FAM193B: variants seen among roughly 807,000 people sequenced by gnomAD.
The protein encoded by FAM193B is family with sequence similarity 193 member B, also known as protein FAM193B.
In FAM193B, 27 loss-of-function variants were observed where a neutral mutation model predicts 70.7. The ratio of observed to expected loss-of-function variants is 0.38; its 90% CI spans 0.28 to 0.53. The LOEUF (loss-of-function observed/expected upper bound fraction) is 0.53, where lower values mean the gene tolerates loss of function less well. FAM193B is among the 20% of genes least tolerant of loss of function. The pLI is 0.81. For synonymous variants in FAM193B, 448 were observed against 436.0 expected (o/e 1.03, Z -0.34); for missense variants, 1,022 against 1,072.5 (o/e 0.95, Z 0.66).
intron 5 of FAM193B, among the ~76,000 whole-genome samples, chr5:177,529,089 C>T (rs768978795): frequency 2.0e-5 from 3 of 151,928 alleles, no homozygotes; most frequent in Admixed American, 6.5e-5. Context: ...AAGAAGAGAA[C>T]GGGGCAGGAG....
At chr5:177,550,648 CTTA>C (rs553256050) in intron 1 of FAM193B, among the ~76,000 whole-genome samples, 108 of 152,234 alleles carry the variant, frequency 7.1e-4, no homozygotes, top group Middle Eastern at 3.4e-3. Context: ...CTCCTGGGGG[CTTA>C]TTGAGTGTAC....
chr5:177,531,368 G>A (rs1182835284), intron 5 of FAM193B: 1 of 1,361,492 alleles, frequency 7.3e-7, no homozygotes, highest in South Asian at 1.2e-5. Flanking sequence ...AATTCCAGCA[G>A]CTCATCCACA....
At chr5:177,548,204 A>G (rs1471798300) in intron 1 of FAM193B, among the ~76,000 whole-genome samples, 1 of 152,160 alleles carries the variant, frequency 6.6e-6, no homozygotes, top group African/African-American at 2.4e-5. Context: ...TTTGTTTAAA[A>G]ACGTATCTCT....
At position 177,532,604 on chromosome 5, in the gene FAM193B, C is replaced by T; in HGVS notation, c.1114G>A (p.Gly372Ser). ...GCKGHKFAHS[G>S]LACQLPQPCE... is the part of the protein sequence containing the mutation. ...GGCTGGGGCAGCTGGCAAGCCAGGC[C>T]ACTGTGTGCAAACTTGTGCCCCTTG... is the stretch of plus-strand genomic sequence containing the variant. The change falls in exon 5 of 9, where the codon GGC (glycine) becomes AGC (serine). Residue 372 changes from glycine to serine, a missense_variant. Coordinates refer to ENST00000514747, the MANE Select transcript of FAM193B (RefSeq NM_001190946.3). This position sits in a 1 kb window ranked among gnomAD's most constrained non-coding sequence, Gnocchi z 4.9. 6.3e-7 allele frequency: 1 copy of T among 1,589,150 alleles called. No individual in the cohort carries two copies. The highest frequency in any genetic ancestry group is 8.5e-7 in the Non-Finnish European group (1 of 1,172,158).
intron 1 of FAM193B, among the ~76,000 whole-genome samples, chr5:177,544,105 C>T: frequency 6.6e-6 from 1 of 152,226 alleles, no homozygotes; most frequent in East Asian, 1.9e-4. Context: ...CTCAAAAAAG[C>T]TCCAAGATAA....
At position 177,532,635 on chromosome 5, in the gene FAM193B, G is replaced by A. The variant is rs756237358; in HGVS notation, c.1083C>T (p.Pro361=). The A allele has an allele frequency of 1.9e-5, 30 of 1,539,908 alleles. No individual in the cohort carries two copies. Among genetic ancestry groups the A allele is most frequent in the Middle Eastern group, 1.9e-4 (1 of 5,330 alleles). The change falls in exon 5 of 9, where the codon CCC becomes CCT. Residue 361 remains proline, a synonymous_variant. Transcript: ENST00000514747. The surrounding 1 kb of genome is among the most constrained non-coding windows in gnomAD (Gnocchi z 4.9). ...GTGCAAACTTGTGCCCCTTGCACCCGGGATCCCTGATGATGGGGAGGAAGG... is the reference window on the plus strand; with the variant it reads ...GTGCAAACTTGTGCCCCTTGCACCCAGGATCCCTGATGATGGGGAGGAAGG... ...SQPLPSTHRD[P]GCKGHKFAHS... is the part of the protein sequence containing the mutation.
At chr5:177,522,822 C>T (rs1027526163) in intron 7 of FAM193B, 1 of 152,682 alleles carries the variant, frequency 6.5e-6, no homozygotes, top group Non-Finnish European at 1.5e-5. Context: ...TCAAGCGATT[C>T]TCTTGCCTCA....
chr5:177,523,877 C>T (rs1352683541), intron 7 of FAM193B, 80 bp downstream of exon 7: 31 of 1,512,904 alleles, frequency 2.0e-5, no homozygotes, highest in Non-Finnish European at 2.7e-5. Flanking sequence ...CTTTCTGAGG[C>T]TTGAGGCACA....
chr5:177,531,729 G>T, intron 5 of FAM193B: 1 of 616,540 alleles, frequency 1.6e-6, no homozygotes, highest in Non-Finnish European at 2.4e-6. Flanking sequence ...GGCAGAGCTG[G>T]GCAAACACTG....
At position 177,532,216 on chromosome 5, in the gene FAM193B, CAATCTT is replaced by C; in HGVS notation, c.1275+221_1275+226del. The stretch of plus-strand genomic sequence containing the variant: ...TTCCTTTTGCCTAAGGAAAAAAAGT[CAATCTT>C]AAGAGAAACCATGAGAAGAGCAAAG... On this transcript the variant is annotated intron_variant, in intron 5 of 8. Coordinates refer to ENST00000514747, the MANE Select transcript of FAM193B (RefSeq NM_001190946.3). This position sits in a 1 kb window ranked among gnomAD's most constrained non-coding sequence, Gnocchi z 4.9. 6.6e-7 allele frequency: 1 copy of C among 1,507,988 alleles called. No individual in the cohort carries two copies. The highest frequency in any genetic ancestry group is 8.8e-7 in the Non-Finnish European group (1 of 1,132,724). 93.4% of individuals were successfully genotyped at this position (1,507,988 alleles called of 1,614,324 possible).
Position 177,532,115 on chromosome 5 carries a change from C to T in FAM193B, c.1275+328G>A. Reference sequence around the variant, plus strand: ...TTGCTTCCACTCTGCCTTCATCACTCCCAAGCGTTCACTTCTCTGGGATTA... The same window carrying T: ...TTGCTTCCACTCTGCCTTCATCACTTCCAAGCGTTCACTTCTCTGGGATTA... On this transcript the variant is annotated intron_variant, in intron 5 of 8. Coordinates refer to ENST00000514747, the MANE Select transcript of FAM193B (RefSeq NM_001190946.3). This position sits in a 1 kb window ranked among gnomAD's most constrained non-coding sequence, Gnocchi z 4.9. 1 of 1,328,560 alleles carries T rather than the reference C, an allele frequency of 7.5e-7. No individual in the cohort carries two copies. 82.3% of individuals were successfully genotyped at this position (1,328,560 alleles called of 1,614,324 possible).
In FAM193B at chr5:177,532,031, G is replaced by A. The variant is rs533319084; in HGVS notation, c.1275+412C>T. On this transcript the variant is annotated intron_variant, in intron 5 of 8. Coordinates refer to ENST00000514747, the MANE Select transcript of FAM193B (RefSeq NM_001190946.3). The surrounding 1 kb of genome is among the most constrained non-coding windows in gnomAD (Gnocchi z 4.9). ...TGATCTGAGCCTCCTTCCTGGCGCC[G>A]TCTGTGCTCACGGCCTGTCCCTCGG... 1.0e-5 allele frequency: 13 copies of A among 1,292,342 alleles called. No homozygotes were observed. The highest frequency in any genetic ancestry group is 9.2e-5 in the Admixed American group (4 of 43,618). The allele number at this position is 1,292,342 out of a possible 1,614,324, so 80.1% of individuals were successfully genotyped here.
intron 1 of FAM193B, among the ~76,000 whole-genome samples, chr5:177,548,069 C>T (rs1365918360): frequency 1.3e-5 from 2 of 152,238 alleles, no homozygotes; most frequent in East Asian, 3.8e-4. Context: ...AGTAGTCACA[C>T]CTTCCCATAT....
intron 1 of FAM193B, chr5:177,553,531 C>G (rs1035452304): frequency 8.7e-7 from 1 of 1,143,480 alleles, no homozygotes; most frequent in African/African-American, 1.6e-5. Flanking sequence ...AGAAAGTGAC[C>G]TTCTTCCAGG....
At chr5:177,553,270 G>A (rs779567421) in intron 1 of FAM193B, 18 of 987,374 alleles carry the variant, frequency 1.8e-5, no homozygotes, top group Non-Finnish European at 2.2e-5. Context: ...TGTCTGCAGA[G>A]CCAAACGCAT....
At chr5:177,531,253 C>T (rs748514138) in intron 5 of FAM193B, 35 of 1,246,286 alleles carry the variant, frequency 2.8e-5, no homozygotes, top group East Asian at 1.1e-4. Context: ...GGAGGAGAGA[C>T]GGCAGAGCTG....
rs541356809 is a variant in FAM193B, at chr5:177,530,015, G to A, written c.1275+2428C>T. Among the ~76,000 whole-genome samples, 14 of 152,312 alleles carry A rather than the reference G, an allele frequency of 9.2e-5. No homozygotes were observed. In the South Asian group the frequency reaches 2.9e-3, roughly 32 times the overall value. ...GCTTTCCAAAGCACTAGGGCTGTTT[G>A]ACCACCCAGGAACTGGAACTAGCTG... On this transcript the variant is annotated intron_variant, in intron 5 of 8. Coordinates refer to ENST00000514747, the MANE Select transcript of FAM193B (RefSeq NM_001190946.3).
In FAM193B at chr5:177,554,303, G is replaced by A; in HGVS notation, c.156C>T (p.Pro52=). 1.5e-6 allele frequency: 2 copies of A among 1,358,592 alleles called. No homozygotes were observed. The highest frequency in any genetic ancestry group is 1.9e-6 in the Non-Finnish European group (2 of 1,048,464). 84.2% of individuals were successfully genotyped at this position (1,358,592 alleles called of 1,614,324 possible). ...GAGPPEAPAE[P]DHDGPREDDE... Reference sequence around the variant, plus strand: ...CATCCTCCCTGGGGCCGTCGTGGTCGGGCTCCGCCGGCGCCTCCGGAGGGC... The same window carrying A: ...CATCCTCCCTGGGGCCGTCGTGGTCAGGCTCCGCCGGCGCCTCCGGAGGGC... Residue 52 remains proline (P), a synonymous_variant, in exon 1 of 9, where the codon CCC becomes CCT. Coordinates refer to ENST00000514747, the MANE Select transcript of FAM193B (RefSeq NM_001190946.3).
At chr5:177,528,315 T>TAATG (rs1023054062) in intron 5 of FAM193B, among the ~76,000 whole-genome samples, 3 of 152,150 alleles carry the variant, frequency 2.0e-5, no homozygotes, top group African/African-American at 7.2e-5. Context: ...TGCAATGAGC[T>TAATG]AATGGGTGGA....
Sources: gnomAD v4.1 joint callset for allele counts (sites outside exome capture counted in the v4.1 genomes callset) on GRCh38, gnomAD v4.1.1 for gene constraint, Gnocchi (gnomAD v3.1) non-coding constraint, MANE v1.5 for transcripts, NCBI Gene and HGNC (gene_info 2026-07-23, HGNC 2026-07-21) for gene names.